The following GRHL3 variants were observed in gnomAD, a reference collection of about 807,000 sequenced individuals.
The protein encoded by GRHL3 is grainyhead like transcription factor 3, also known as grainyhead-like protein 3 homolog.
Under a neutral mutation model 70.3 loss-of-function variants are expected in GRHL3, and 20 were observed. The observed-to-expected ratio is 0.28, with a 90% CI of 0.20 to 0.41. The LOEUF (loss-of-function observed/expected upper bound fraction) is 0.41, where lower values mean the gene tolerates loss of function less well. GRHL3 is among the 10% of genes least tolerant of loss of function. The probability of loss-of-function intolerance (pLI) is 1.00; values close to 1 mark genes in which losing one functional copy is unlikely to be tolerated. For missense variants in GRHL3, 637 were observed against 762.3 expected, an observed-to-expected ratio of 0.84 and a Z score of 1.94; for synonymous variants, 299 against 299.9, an observed-to-expected ratio of 1.00 and a Z score of 0.03.
intron 1 of GRHL3, among the ~76,000 whole-genome samples, chr1:24,324,481 A>G (rs1279221482): frequency 6.6e-6 from 1 of 152,222 alleles, no homozygotes; most frequent in Non-Finnish European, 1.5e-5. Flanking sequence ...AGTATTAGTA[A>G]TAATAATAAA....
chr1:24,343,692 A>G (rs1413657377), intron 11 of GRHL3, among the ~76,000 whole-genome samples: 1 of 151,884 alleles, frequency 6.6e-6, no homozygotes, highest in East Asian at 1.9e-4. Flanking sequence ...GTCCCACAAC[A>G]ATTCAATGGC....
At chr1:24,319,788 T>C in intron 1 of GRHL3, 1 of 1,398,684 alleles carries the variant, frequency 7.1e-7, no homozygotes, top group Non-Finnish European at 9.4e-7. Context: ...TCATTCTCTT[T>C]GCTGAGCAGT....
intron 13 of GRHL3, 115 bp downstream of exon 13, chr1:24,346,756 A>G (rs911070146): frequency 2.6e-6 from 2 of 770,556 alleles, no homozygotes; most frequent in African/African-American, 1.7e-5. Context: ...TACCCCTTGG[A>G]GCTAGGTTTA....
At position 24,321,401 on chromosome 1, in the gene GRHL3, G is replaced by A. The variant is rs1337496179; in HGVS notation, c.17+1833G>A. Among the ~76,000 whole-genome samples the A allele has an allele frequency of 1.3e-5, 2 of 152,210 alleles. No individual in the cohort carries two copies. The highest frequency in any genetic ancestry group is 4.8e-5 in the African/African-American group (2 of 41,450). Reference sequence around the variant, plus strand: ...AGCTGCCCCTACTGGTAAGGGGAGGGCACCCGGCGCTTGGCTTGCAAGTTC... The same window carrying A: ...AGCTGCCCCTACTGGTAAGGGGAGGACACCCGGCGCTTGGCTTGCAAGTTC... On this transcript the variant is annotated intron_variant, in intron 1 of 15. Transcript: ENST00000361548. This position sits in a 1 kb window ranked among gnomAD's most constrained non-coding sequence, Gnocchi z 4.0.
rs1639219554 is a variant in GRHL3, at chr1:24,322,217, TCC to T, written c.17+2651_17+2652del. Among the ~76,000 whole-genome samples, 1 of 152,074 alleles carries T rather than the reference TCC, an allele frequency of 6.6e-6. No homozygotes were observed. The highest frequency in any genetic ancestry group is 6.5e-5 in the Admixed American group (1 of 15,280). ...GCAGGAGCGTCCCCCGCGGCCTCGC[TCC>T]CTGCTCTCTGGGCCCCACCGCTGCC... On this transcript the variant is annotated intron_variant, in intron 1 of 15. Transcript: ENST00000361548. The surrounding 1 kb of genome is among the most constrained non-coding windows in gnomAD (Gnocchi z 4.4).
chr1:24,362,737 C>T (rs1399948424), intron 15 of GRHL3, among the ~76,000 whole-genome samples: 1 of 152,140 alleles, frequency 6.6e-6, no homozygotes. Flanking sequence ...GCAGGGGACA[C>T]CCCCCTGGTC....
At chr1:24,350,018 G>C in intron 14 of GRHL3, 40 bp from the exon 15 acceptor site, 1 of 1,488,086 alleles carries the variant, frequency 6.7e-7, no homozygotes, top group Non-Finnish European at 9.4e-7. Flanking sequence ...TAAATCTAGC[G>C]TGGGCAGCAG....
chr1:24,364,314 T>C (rs1641313807), exon 16 of GRHL3: 4 of 1,549,766 alleles, frequency 2.6e-6, no homozygotes, highest in Non-Finnish European at 3.5e-6. Flanking sequence ...GGGACCTGGA[T>C]TCAAATCCCA....
At position 24,337,764 on chromosome 1, in the gene GRHL3, T is replaced by C; in HGVS notation, c.815T>C (p.Leu272Pro). Residue 272 changes from leucine to proline, a missense_variant, in exon 6 of 16, where the codon CTT becomes CCT. By Grantham distance (98) the Leu-to-Pro change is moderately conservative. Around this residue, in one of 2 missense-constraint regions of GRHL3, gnomAD observed 387 missense variants for 513.8 expected, o/e 0.75. Coordinates refer to ENST00000361548, the MANE Select transcript of GRHL3 (RefSeq NM_198173.3). Reference protein sequence around the residue: ...TLRTPAGGKGLALSSNKVKSV... With the variant: ...TLRTPAGGKGPALSSNKVKSV... ...CGGACCCCAGCAGGTGGCAAAGGCCTTGCCTTGTCCTCCAACAAAGTCAAG... is the reference window on the plus strand; with the variant it reads ...CGGACCCCAGCAGGTGGCAAAGGCCCTGCCTTGTCCTCCAACAAAGTCAAG... 1 of 1,614,220 alleles carries C rather than the reference T, an allele frequency of 6.2e-7. No homozygotes were observed. Among genetic ancestry groups the C allele is most frequent in the Non-Finnish European group, 8.5e-7 (1 of 1,180,048 alleles).
At chr1:24,358,388 A>C, downstream of GRHL3, 1 of 735,510 alleles carries the variant, frequency 1.4e-6, no homozygotes, top group Non-Finnish European at 2.5e-6. Flanking sequence ...AGGCAATGGC[A>C]GCAGTCCGGC....
At chr1:24,363,297 T>G (rs1641241875) in intron 15 of GRHL3, among the ~76,000 whole-genome samples, 2 of 152,342 alleles carry the variant, frequency 1.3e-5, no homozygotes, top group Admixed American at 6.5e-5. Flanking sequence ...CTCAGAACCT[T>G]CAGCCTAGCA....
rs555331317 is a variant in GRHL3 at position 24,320,251 on chromosome 1, G to A, written c.17+683G>A. Among the ~76,000 whole-genome samples, 43 of 152,346 alleles carry A rather than the reference G, an allele frequency of 2.8e-4. No individual in the cohort carries two copies. The South Asian group carries it at 5.8e-3, about 21-fold the overall frequency. On this transcript the variant is annotated intron_variant, in intron 1 of 15. Coordinates refer to ENST00000361548, the MANE Select transcript of GRHL3 (RefSeq NM_198173.3). ...GCATAAAGCTATGGTCTGAAGATGC[G>A]TTCAGTAAAATGTGGTTCCTCTCAT...
rs945486827 is a variant in GRHL3, at chr1:24,319,366, C to A, written c.-186C>A. 1.5e-6 allele frequency: 1 copy of A among 680,040 alleles called. No homozygotes were observed. The highest frequency in any genetic ancestry group is 1.8e-5 in the African/African-American group (1 of 56,844). The allele number at this position is 680,040 out of a possible 1,614,324, so 42.1% of individuals were successfully genotyped here. A position where few individuals can be genotyped will look rare whatever the true frequency, so the allele number is the denominator to read the frequency against. On this transcript the variant is annotated 5_prime_UTR_variant, in exon 1 of 16. Transcript: ENST00000361548. ...GTTGAGGTATACCTCCAGTCGCCGG[C>A]ACCTGTACCTGTAGCCAATCAGCGC... is the stretch of plus-strand genomic sequence containing the variant.
rs1639256264 is a variant in GRHL3, at chr1:24,322,928, G to A, written c.17+3360G>A. ...TTTGCCGAAGAGGGGACCCAGACCT[G>A]GTTCAGGCTTGCCCAAGGTCTCACG... On this transcript the variant is annotated intron_variant, in intron 1 of 15. Transcript: ENST00000361548. This position sits in a 1 kb window ranked among gnomAD's most constrained non-coding sequence, Gnocchi z 4.4. 3.2e-6 allele frequency: 2 copies of A among 633,590 alleles called. No homozygotes were observed. Among genetic ancestry groups the A allele is most frequent in the Non-Finnish European group, 5.6e-6 (2 of 359,598 alleles). 39.2% of individuals were successfully genotyped at this position (633,590 alleles called of 1,614,324 possible).
At chr1:24,347,389 C>A in intron 13 of GRHL3, 79 bp from the exon 14 acceptor site, 1 of 1,258,768 alleles carries the variant, frequency 7.9e-7, no homozygotes, top group South Asian at 1.2e-5. Flanking sequence ...CTTCAAGTAA[C>A]GTTTTCAGAT....
chr1:24,353,712 C>G (rs989192926), intron 15 of GRHL3, among the ~76,000 whole-genome samples: 2 of 152,168 alleles, frequency 1.3e-5, no homozygotes, highest in African/African-American at 4.8e-5. Flanking sequence ...GGAGCAGCTT[C>G]TAGAGGGCTG....
At chr1:24,353,566 ATGTGAATG>A (rs2148668574) in intron 15 of GRHL3, among the ~76,000 whole-genome samples, 1 of 151,824 alleles carries the variant, frequency 6.6e-6, no homozygotes, top group South Asian at 2.1e-4. Context: ...GAGTGTGTGT[ATGTGAATG>A]AATGGTGGAT....
In GRHL3 at chr1:24,336,486, T is replaced by G; in HGVS notation, c.271T>G (p.Tyr91Asp). ...GGRNDQGKRYYHGMEYETDLT... is the reference protein window; with the variant it reads ...GGRNDQGKRYDHGMEYETDLT... ...GCCCCTTTTCTTTCTCCCCAGGTAC[T>G]ACCATGGCATGGAATATGAGACGGA... is the stretch of plus-strand genomic sequence containing the variant. The change falls in exon 4 of 16, where the codon TAC becomes GAC. Residue 91 changes from tyrosine to aspartate, a missense_variant. By Grantham distance (160) the Tyr-to-Asp change is radical (BLOSUM62 -3). Around this residue, in one of 2 missense-constraint regions of GRHL3, gnomAD observed 250 missense variants for 248.6 expected, o/e 1.01. Coordinates refer to ENST00000361548, the MANE Select transcript of GRHL3 (RefSeq NM_198173.3). 6.4e-7 allele frequency: 1 copy of G among 1,569,242 alleles called. No individual in the cohort carries two copies. The highest frequency in any genetic ancestry group is 8.7e-7 in the Non-Finnish European group (1 of 1,153,550).
At position 24,337,116 on chromosome 1, in the gene GRHL3, A is replaced by G. The variant is rs1242079128; in HGVS notation, c.651A>G (p.Glu217=). The change falls in exon 5 of 16, where the codon GAA becomes GAG. Residue 217 remains glutamate (E), a synonymous_variant. Transcript: ENST00000361548. Reference sequence around the variant, plus strand: ...CAGATATCCTGAAAACCTCCCCGGAACCCCCATGTCCAGAGGACTACCCCA... The same window carrying G: ...CAGATATCCTGAAAACCTCCCCGGAGCCCCCATGTCCAGAGGACTACCCCA... ...LFPDILKTSP[E]PPCPEDYPSL... The G allele has an allele frequency of 6.2e-7, 1 of 1,614,046 alleles. No individual in the cohort carries two copies.
Sources: allele counts gnomAD v4.1 joint callset (sites outside exome capture counted in the v4.1 genomes callset), GRCh38; gene constraint gnomAD v4.1.1; regional missense constraint gnomAD v4.1.1; non-coding constraint Gnocchi (gnomAD v3.1); transcripts MANE v1.5; gene names NCBI Gene and HGNC (gene_info 2026-07-23, HGNC 2026-07-21).